Variants in ADH7 observed in about 807,000 individuals in gnomAD.
The protein encoded by ADH7 is alcohol dehydrogenase 7 (class IV), mu or sigma polypeptide.
ADH7 carries 41 observed loss-of-function variants against 34.4 expected under a neutral mutation model. That is an observed-to-expected ratio of 1.19 (90% CI 0.93 to 1.55). The LOEUF (loss-of-function observed/expected upper bound fraction) is 1.55, where lower values mean the gene tolerates loss of function less well. Among genes scored for constraint, ADH7 ranks in the 40% most tolerant of loss-of-function variants. The probability of loss-of-function intolerance (pLI) is 0.00; values close to 1 mark genes in which losing one functional copy is unlikely to be tolerated. For missense variants in ADH7, 540 were observed against 461.2 expected (o/e 1.17, Z -1.56); for synonymous variants, 180 against 160.9 (o/e 1.12, Z -0.90).
chr4:99,428,229 A>G (rs1382216128), intron 3 of ADH7, 55 bp from the exon 4 acceptor site: 3 of 1,504,954 alleles, frequency 2.0e-6, no homozygotes, highest in East Asian at 4.5e-5. Flanking sequence ...AAAATATGAA[A>G]TTAACAAATG....
At chr4:99,425,175 C>T (rs1174770256) in intron 5 of ADH7, among the ~76,000 whole-genome samples, 3 of 150,138 alleles carry the variant, frequency 2.0e-5, no homozygotes, top group Non-Finnish European at 4.5e-5. Context: ...AACCAGCTAA[C>T]ATCATCATGA....
intron 5 of ADH7, among the ~76,000 whole-genome samples, chr4:99,426,851 G>A (rs1014731835): frequency 6.6e-6 from 1 of 152,120 alleles, no homozygotes; most frequent in African/African-American, 2.4e-5. Flanking sequence ...ACATCAAAAA[G>A]CTTATCCACC....
At chr4:99,421,994 A>C (rs1409384399) in intron 5 of ADH7, among the ~76,000 whole-genome samples, 2 of 152,268 alleles carry the variant, frequency 1.3e-5, no homozygotes, top group East Asian at 3.8e-4. Context: ...TTAAAAAGTC[A>C]GGAAACAATC....
At position 99,413,081 on chromosome 4, in the gene ADH7, T is replaced by C. The variant is rs1721442869; in HGVS notation, c.*67A>G. The C allele has an allele frequency of 2.7e-6, 4 of 1,508,772 alleles. No homozygotes were observed. The Admixed American group carries it at 5.1e-5, about 19-fold the overall frequency. The allele number at this position is 1,508,772 out of a possible 1,614,324, so 93.5% of individuals were successfully genotyped here. On this transcript the variant is annotated 3_prime_UTR_variant, in exon 9 of 9. Transcript: ENST00000437033. ...TGTGAGACAGATACATGATTTCAGA[T>C]GAGGGAACTCTCACAAGAGAAACTC...
At chr4:99,413,202 C>A in intron 8 of ADH7, 30 bp from the exon 9 acceptor site, 1 of 1,611,482 alleles carries the variant, frequency 6.2e-7, no homozygotes, top group Non-Finnish European at 8.5e-7. Flanking sequence ...TTTTTAATGA[C>A]TTGTTTTCAT....
At position 99,418,997 on chromosome 4, in the gene ADH7, C is replaced by T. The variant is rs769763635; in HGVS notation, c.950G>A (p.Cys317Tyr). ...TTTGCTTTCCTGACCTCCAAAGACA[C>T]ATCCCTTCCATGTGCGTCCAGTGAA... is the stretch of plus-strand genomic sequence containing the variant. ...LLFTGRTWKG[C>Y]VFGGLKSRDD... is the part of the protein sequence containing the mutation. The change falls in exon 7 of 9, where the codon TGT (cysteine) becomes TAT (tyrosine). Residue 317 changes from cysteine (C) to tyrosine (Y), a missense_variant. Transcript: ENST00000437033. 1.9e-5 allele frequency: 30 copies of T among 1,613,648 alleles called. No individual in the cohort carries two copies. The East Asian group carries it at 5.8e-4, about 31-fold the overall frequency.
intron 1 of ADH7, among the ~76,000 whole-genome samples, chr4:99,431,675 T>C (rs1721939961): frequency 6.6e-6 from 1 of 152,128 alleles, no homozygotes; most frequent in Non-Finnish European, 1.5e-5. Flanking sequence ...TGAACAGACA[T>C]TTTTCAAAAC....
rs747837171 is a variant in ADH7, at chr4:99,428,601, A to T, written c.150T>A (p.Asp50Glu). The change falls in exon 3 of 9, where the codon GAT becomes GAA. Residue 50 changes from aspartate (D) to glutamate (E), a missense_variant. Coordinates refer to ENST00000437033, the MANE Select transcript of ADH7 (RefSeq NM_000673.7). Reference sequence around the variant, plus strand: ...CCATTGTTCCTTTTATCACATGGTCATCTGTGCGACAGATTCCTGTGGCCA... The same window carrying T: ...CCATTGTTCCTTTTATCACATGGTCTTCTGTGCGACAGATTCCTGTGGCCA... ...KILATGICRT[D>E]DHVIKGTMVS... 6.2e-7 allele frequency: 1 copy of T among 1,613,850 alleles called. No individual in the cohort carries two copies. The highest frequency in any genetic ancestry group is 8.5e-7 in the Non-Finnish European group (1 of 1,179,838).
At chr4:99,428,786 A>G (rs1379678466) in intron 2 of ADH7, among the ~76,000 whole-genome samples, 156 bp from the exon 3 acceptor site, 1 of 152,194 alleles carries the variant, frequency 6.6e-6, no homozygotes, top group East Asian at 1.9e-4. Context: ...CCAAAAATCA[A>G]CCATCAGACA....
rs552224982 is a variant in ADH7, at chr4:99,413,117, T to G, written c.*31A>C. ...TCACAAGAGAAACTCCAGTTCACCA[T>G]GACAACACAGACCTCCTGCCACTTT... On this transcript the variant is annotated 3_prime_UTR_variant, in exon 9 of 9. Transcript: ENST00000437033. 13 of 1,612,970 alleles carry G rather than the reference T, an allele frequency of 8.1e-6. 1 individual carries two copies. In the South Asian group the frequency reaches 1.2e-4, roughly 15 times the overall value.
chr4:99,426,644 G>T (rs1721812303), intron 5 of ADH7, among the ~76,000 whole-genome samples: 1 of 152,114 alleles, frequency 6.6e-6, no homozygotes, highest in Non-Finnish European at 1.5e-5. Flanking sequence ...AGGAGGAACT[G>T]GTACCATTCC....
rs1721666293 is a variant in ADH7, at chr4:99,421,650, T to C, written c.565-857A>G. On this transcript the variant is annotated intron_variant, in intron 5 of 8. Coordinates refer to ENST00000437033, the MANE Select transcript of ADH7 (RefSeq NM_000673.7). ...TGCAACAAAAGCCAAACTTGACAAA[T>C]GGGATCTAATTAAACTAAAGAGCTT... Among the ~76,000 whole-genome samples, 4 of 152,132 alleles carry C rather than the reference T, an allele frequency of 2.6e-5. No individual in the cohort carries two copies. In the South Asian group the frequency reaches 8.3e-4, roughly 32 times the overall value.
chr4:99,424,317 C>T lies in ADH7; in HGVS notation c.564+3456G>A, dbSNP rs370013909. 1.4e-4 allele frequency among the ~76,000 whole-genome samples: 22 copies of T among 152,278 alleles called. No homozygotes were observed. In the South Asian group the frequency reaches 3.3e-3, roughly 23 times the overall value. ...TAGTTTGAAGTCACATAGCGTGATG[C>T]CTCCAGCTTTGTTCTTTTGGCTTAG... is the stretch of plus-strand genomic sequence containing the variant. On this transcript the variant is annotated intron_variant, in intron 5 of 8. Transcript: ENST00000437033.
At chr4:99,420,304 C>T (rs1396234831) in intron 6 of ADH7, among the ~76,000 whole-genome samples, 3 of 152,126 alleles carry the variant, frequency 2.0e-5, no homozygotes, top group African/African-American at 7.2e-5. Context: ...ATCTAGTCAG[C>T]TGAGAGTGGT....
Position 99,423,575 on chromosome 4 carries a change from T to C in ADH7, c.565-2782A>G, listed in dbSNP as rs914373522. Reference sequence around the variant, plus strand: ...ACTTTTTAATGATTGCCATTCTAACTGGTGTGAGATGGTATCTCATTGTGG... The same window carrying C: ...ACTTTTTAATGATTGCCATTCTAACCGGTGTGAGATGGTATCTCATTGTGG... On this transcript the variant is annotated intron_variant, in intron 5 of 8. Coordinates refer to ENST00000437033, the MANE Select transcript of ADH7 (RefSeq NM_000673.7). Among the ~76,000 whole-genome samples the C allele has an allele frequency of 3.3e-5, 5 of 152,142 alleles. 1 individual carries two copies. The highest frequency in any genetic ancestry group is 4.1e-4 in the South Asian group (2 of 4,830).
At chr4:99,429,471 G>A in intron 2 of ADH7, 61 bp downstream of exon 2, 1 of 1,213,130 alleles carries the variant, frequency 8.2e-7, no homozygotes. Context: ...TCACAACAGT[G>A]CTATATTCAA....
chr4:99,422,811 T>C (rs1721697125), intron 5 of ADH7, among the ~76,000 whole-genome samples: 1 of 149,748 alleles, frequency 6.7e-6, no homozygotes, highest in Non-Finnish European at 1.5e-5. Context: ...AGATTCTTTT[T>C]TTTTTCTAAT....
intron 5 of ADH7, among the ~76,000 whole-genome samples, chr4:99,424,889 C>T (rs1228103336): frequency 6.6e-6 from 1 of 152,048 alleles, no homozygotes; most frequent in African/African-American, 2.4e-5. Context: ...CCTAATTGCC[C>T]TGGCCAGAAC....
chr4:99,432,534 A>G (rs1466037514), intron 1 of ADH7: 2 of 152,210 alleles, frequency 1.3e-5, no homozygotes, highest in East Asian at 3.8e-4. Flanking sequence ...GAGAAATAGT[A>G]AATTTTCCAC....
Sources: gnomAD v4.1 joint callset for allele counts (sites outside exome capture counted in the v4.1 genomes callset) on GRCh38, gnomAD v4.1.1 for gene constraint, MANE v1.5 for transcripts, NCBI Gene and HGNC (gene_info 2026-07-23, HGNC 2026-07-21) for gene names.